Variants in PLCB1 observed in about 807,000 individuals in gnomAD.
The protein encoded by PLCB1 is phospholipase C beta 1.
In PLCB1, 46 loss-of-function variants were observed where a neutral mutation model predicts 161.8. The observed-to-expected ratio is 0.28, with a 90% CI of 0.22 to 0.36. The LOEUF (loss-of-function observed/expected upper bound fraction) is 0.36. Ranked by LOEUF, PLCB1 falls within the 10% of genes least tolerant of loss-of-function variation. The pLI is 1.00. For synonymous variants in PLCB1, 517 were observed against 503.7 expected, an observed-to-expected ratio of 1.03 and a Z score of -0.35; for missense variants, 1,016 against 1,472.5, an observed-to-expected ratio of 0.69 and a Z score of 5.07.
chr20:8,264,281 C>T (rs1046154502), intron 2 of PLCB1, among the ~76,000 whole-genome samples: 4 of 152,052 alleles, frequency 2.6e-5, no homozygotes, highest in Non-Finnish European at 4.4e-5. Context: ...TCTGCAGGGG[C>T]GATAATATGC....
chr20:8,418,653 A>C (rs1407884410), intron 3 of PLCB1, among the ~76,000 whole-genome samples: 2 of 152,036 alleles, frequency 1.3e-5, no homozygotes, highest in Non-Finnish European at 2.9e-5. Flanking sequence ...GTTTTGAAAA[A>C]TTATATTGTA....
intron 3 of PLCB1, among the ~76,000 whole-genome samples, chr20:8,407,827 A>G (rs1220245208): frequency 1.3e-5 from 2 of 152,106 alleles, no homozygotes; most frequent in Non-Finnish European, 2.9e-5. Flanking sequence ...CTTCTTCCCC[A>G]GAACCGAAAA....
chr20:8,385,644 C>T (rs543789843), intron 3 of PLCB1, among the ~76,000 whole-genome samples: 65 of 152,180 alleles, frequency 4.3e-4, no homozygotes, highest in Non-Finnish European at 6.5e-4. Flanking sequence ...GCCCCAGTGG[C>T]GTGGGTTCAC....
chr20:8,288,580 A>C (rs1416389700), intron 2 of PLCB1, among the ~76,000 whole-genome samples: 1 of 152,192 alleles, frequency 6.6e-6, no homozygotes, highest in Non-Finnish European at 1.5e-5. Flanking sequence ...GACTACCAGC[A>C]GCCTACCTCT....
chr20:8,516,275 A>G (rs1246268519), intron 3 of PLCB1, among the ~76,000 whole-genome samples: 1 of 152,176 alleles, frequency 6.6e-6, no homozygotes, highest in African/African-American at 2.4e-5. Context: ...ATGAGAACAC[A>G]TTCAACCATG....
At chr20:8,801,482 C>T (rs575754251) in intron 31 of PLCB1, among the ~76,000 whole-genome samples, 13 of 152,260 alleles carry the variant, frequency 8.5e-5, no homozygotes, top group Non-Finnish European at 1.3e-4. Context: ...AGCTCCACAA[C>T]GGGAAGAGGC....
chr20:8,864,584 C>T (rs1009187312), intron 31 of PLCB1, among the ~76,000 whole-genome samples: 1 of 151,974 alleles, frequency 6.6e-6, no homozygotes, highest in Non-Finnish European at 1.5e-5. Flanking sequence ...GAGAGGAGGC[C>T]ACAAAAAGCG....
intron 2 of PLCB1, among the ~76,000 whole-genome samples, chr20:8,210,602 G>C (rs139576366): frequency 1.3e-5 from 2 of 152,118 alleles, no homozygotes; most frequent in East Asian, 3.9e-4. Flanking sequence ...AACTTAGAAA[G>C]GTTCAGAATA....
intron 3 of PLCB1, among the ~76,000 whole-genome samples, chr20:8,514,316 T>C (rs1984019145): frequency 6.6e-6 from 1 of 152,030 alleles, no homozygotes. Context: ...GGCGTGAGCC[T>C]GTAGTCCCAG....
At chr20:8,784,708 A>T (rs937809558) in intron 27 of PLCB1, among the ~76,000 whole-genome samples, 1 of 152,206 alleles carries the variant, frequency 6.6e-6, no homozygotes, top group African/African-American at 2.4e-5. Flanking sequence ...ACTCCTTGGG[A>T]TTCTAGGGAA....
chr20:8,734,272 C>CT (rs1315170084), intron 19 of PLCB1, among the ~76,000 whole-genome samples: 4 of 150,478 alleles, frequency 2.7e-5, no homozygotes, highest in Non-Finnish European at 5.9e-5. Context: ...AAGCAAACCT[C>CT]TTTTTTGGTG....
rs114085256 is a variant in PLCB1, at chr20:8,416,407, T to C, written c.246+44957T>C. Among the ~76,000 whole-genome samples the C allele has an allele frequency of 8.7e-3, 1,324 of 152,286 alleles. 22 individuals are homozygous for C. Among genetic ancestry groups the C allele is most frequent in the African/African-American group, 0.03 (1,228 of 41,550 alleles). ...TTGAATTAGATTTAGTTACATATGA[T>C]CAAATTGTCATTTCTAAATAAAACA... On this transcript the variant is annotated intron_variant, in intron 3 of 31. Transcript: ENST00000338037.
chr20:8,189,626 C>G (rs1353841467), intron 2 of PLCB1, among the ~76,000 whole-genome samples: 1 of 151,998 alleles, frequency 6.6e-6, no homozygotes, highest in Non-Finnish European at 1.5e-5. Flanking sequence ...AATTTTCTAT[C>G]AAATTACAAA....
intron 31 of PLCB1, among the ~76,000 whole-genome samples, chr20:8,868,216 A>G (rs1312862078): frequency 6.6e-6 from 1 of 152,240 alleles, no homozygotes; most frequent in Non-Finnish European, 1.5e-5. Flanking sequence ...CCTAAACTGA[A>G]GAATGACACA....
rs1399156155 is a variant in PLCB1, at chr20:8,662,695, C to CA, written c.862+3991_862+3992insA. 2.0e-5 allele frequency among the ~76,000 whole-genome samples: 3 copies of CA among 150,944 alleles called. No individual in the cohort carries two copies. The Admixed American group carries it at 2.0e-4, about 10-fold the overall frequency. ...CTGAGCCGTTGTTAAAATGCAGATTCGAGATCCTGCATTTCTAACAAGTTA... is the reference window on the plus strand; with the variant it reads ...CTGAGCCGTTGTTAAAATGCAGATTCAGAGATCCTGCATTTCTAACAAGTTA... On this transcript the variant is annotated intron_variant, in intron 9 of 31. Coordinates refer to ENST00000338037, the MANE Select transcript of PLCB1 (RefSeq NM_015192.4).
intron 2 of PLCB1, among the ~76,000 whole-genome samples, chr20:8,158,252 C>T (rs1270426307): frequency 1.3e-5 from 2 of 152,152 alleles, no homozygotes; most frequent in African/African-American, 4.8e-5. Context: ...TAATGCCATG[C>T]TCTTTTGTTT....
At chr20:8,868,402 C>T (rs555336712) in intron 31 of PLCB1, among the ~76,000 whole-genome samples, 69 of 152,310 alleles carry the variant, frequency 4.5e-4, no homozygotes, top group Non-Finnish European at 9.3e-4. Context: ...CATGGGACCC[C>T]TCTTCAGCAT....
chr20:8,504,200 C>T (rs921637428), intron 3 of PLCB1, among the ~76,000 whole-genome samples: 4 of 152,152 alleles, frequency 2.6e-5, no homozygotes, highest in African/African-American at 9.7e-5. Flanking sequence ...CTCTAAGGCC[C>T]AGTGACGGAG....
chr20:8,527,598 T>G (rs562049133), intron 3 of PLCB1, among the ~76,000 whole-genome samples: 8 of 152,186 alleles, frequency 5.3e-5, no homozygotes, highest in African/African-American at 1.9e-4. Context: ...ATGGGATTAA[T>G]GTCAAAATAG....
Sources: allele counts gnomAD v4.1 joint callset (sites outside exome capture counted in the v4.1 genomes callset), GRCh38; gene constraint gnomAD v4.1.1; transcripts MANE v1.5; gene names NCBI Gene and HGNC (gene_info 2026-07-23, HGNC 2026-07-21).